The following INHA variants were observed in gnomAD, a reference collection of about 807,000 sequenced individuals.
INHA encodes inhibin subunit alpha.
In INHA, 8 loss-of-function variants were observed where a neutral mutation model predicts 21.3. The ratio of observed to expected loss-of-function variants is 0.38; its 90% CI spans 0.22 to 0.68. INHA has a LOEUF of 0.68. Among genes scored for constraint, INHA ranks in the 30% least tolerant of loss-of-function variants. INHA has a pLI of 0.53. For missense variants in INHA, 436 were observed against 465.8 expected (o/e 0.94, Z 0.59); for synonymous variants, 231 against 207.5 (o/e 1.11, Z -0.97).
At position 219,572,617 on chromosome 2, in the gene INHA, C is replaced by T; in HGVS notation, c.243C>T (p.Ser81=). 1 of 1,552,038 alleles carries T rather than the reference C, an allele frequency of 6.4e-7. No homozygotes were observed. The highest frequency in any genetic ancestry group is 8.7e-7 in the Non-Finnish European group (1 of 1,147,228). The change falls in exon 1 of 2, where the codon TCC becomes TCT. Residue 81 remains serine, a synonymous_variant. Coordinates refer to ENST00000243786, the MANE Select transcript of INHA (RefSeq NM_002191.4). ...AGCCCGAGGAAGAGGAGGATGTCTC[C>T]CAAGCCATCCTTTTCCCAGCCACAG... The part of the protein sequence containing the change: ...GSEPEEEEDV[S]QAILFPATDA...
In INHA at chr2:219,575,221, G is replaced by T; in HGVS notation, c.796G>T (p.Ala266Ser). Residue 266 changes from alanine (A) to serine (S), a missense_variant, in exon 2 of 2, where the codon GCA becomes TCA. Ala to Ser is a moderately conservative substitution (Grantham distance 99). Transcript: ENST00000243786. ...TGCCCATGCCAACTGCCACAGAGTAGCACTGAACATCTCCTTCCAGGAGCT... is the reference window on the plus strand; with the variant it reads ...TGCCCATGCCAACTGCCACAGAGTATCACTGAACATCTCCTTCCAGGAGCT... ...PAAHANCHRV[A>S]LNISFQELGW... 6.2e-7 allele frequency: 1 copy of T among 1,614,258 alleles called. No individual in the cohort carries two copies. The highest frequency in any genetic ancestry group is 8.5e-7 in the Non-Finnish European group (1 of 1,180,040).
intron 1 of INHA, among the ~76,000 whole-genome samples, chr2:219,573,844 CA>C (rs757654534): frequency 1.3e-5 from 2 of 151,868 alleles, no homozygotes; most frequent in Non-Finnish European, 2.9e-5. Context: ...ATGGTGGCAC[CA>C]GCTACTCGGG....
At position 219,572,332 on chromosome 2, in the gene INHA, C is replaced by T. The variant is rs760350970; in HGVS notation, c.-43C>T. ...TGGGCAGACCCTGGCAGAAGGGGCACGGGGCAGGGTGTGAGTTCCCCACTA... is the reference window on the plus strand; with the variant it reads ...TGGGCAGACCCTGGCAGAAGGGGCATGGGGCAGGGTGTGAGTTCCCCACTA... On this transcript the variant is annotated 5_prime_UTR_variant, in exon 1 of 2. The change creates a new upstream start codon in the 5' untranslated region. Transcript: ENST00000243786. 3.4e-5 allele frequency: 55 copies of T among 1,612,666 alleles called. No individual in the cohort carries two copies. The highest frequency in any genetic ancestry group is 4.1e-5 in the Non-Finnish European group (48 of 1,179,882).
rs1459904863 is a variant in INHA, at chr2:219,575,578, A to G, written c.*52A>G. 7.0e-6 allele frequency: 10 copies of G among 1,427,008 alleles called. No homozygotes were observed. Among genetic ancestry groups the G allele is most frequent in the African/African-American group, 4.2e-5 (3 of 71,310 alleles). The allele number at this position is 1,427,008 out of a possible 1,614,324, so 88.4% of individuals were successfully genotyped here. ...CATGGCTGGTGGCCACGCCCCCACC[A>G]TCATCAGCTGGGAGGAAAGGCAGAG... On this transcript the variant is annotated 3_prime_UTR_variant, in exon 2 of 2. Coordinates refer to ENST00000243786, the MANE Select transcript of INHA (RefSeq NM_002191.4).
chr2:219,574,228 G>T (rs140629845), intron 1 of INHA, among the ~76,000 whole-genome samples: 9 of 149,512 alleles, frequency 6.0e-5, no homozygotes, highest in Non-Finnish European at 1.3e-4. Flanking sequence ...GCAGTGAGCC[G>T]TGATCATGCC....
intron 1 of INHA, among the ~76,000 whole-genome samples, chr2:219,573,834 A>G (rs569401687): frequency 1.3e-5 from 2 of 152,114 alleles, no homozygotes; most frequent in African/African-American, 4.8e-5. Flanking sequence ...TTAGCCAGGC[A>G]TGGTGGCACC....
chr2:219,575,600 A>G lies in INHA; in HGVS notation c.*74A>G. ...ACCATCATCAGCTGGGAGGAAAGGCAGAGTTGGGAAATAGATGGCTCCCAC... is the reference window on the plus strand; with the variant it reads ...ACCATCATCAGCTGGGAGGAAAGGCGGAGTTGGGAAATAGATGGCTCCCAC... On this transcript the variant is annotated 3_prime_UTR_variant, in exon 2 of 2. Transcript: ENST00000243786. 1 of 1,268,124 alleles carries G rather than the reference A, an allele frequency of 7.9e-7. No individual in the cohort carries two copies. Among genetic ancestry groups the G allele is most frequent in the African/African-American group, 1.5e-5 (1 of 68,370 alleles). The allele number at this position is 1,268,124 out of a possible 1,614,324, so 78.6% of individuals were successfully genotyped here.
chr2:219,572,715 CG>C, intron 1 of INHA, 73 bp downstream of exon 1: 1 of 1,515,422 alleles, frequency 6.6e-7, no homozygotes, highest in Non-Finnish European at 9.0e-7. Flanking sequence ...GCAGGCCAGG[CG>C]GACCTGGGTT....
intron 1 of INHA, among the ~76,000 whole-genome samples, chr2:219,573,647 T>C (rs1015256374): frequency 2.0e-5 from 3 of 151,912 alleles, no homozygotes; most frequent in African/African-American, 7.3e-5. Context: ...TTAAAGAATT[T>C]ATCCTACAAT....
rs776306807 is a variant in INHA at position 219,572,458 on chromosome 2, T to C, written c.84T>C (p.Leu28=). 2 of 1,613,994 alleles carry C rather than the reference T, an allele frequency of 1.2e-6. No individual in the cohort carries two copies. The highest frequency in any genetic ancestry group is 1.7e-5 in the Admixed American group (1 of 60,024). ...AGGGGCTGGAGCTGGCCCGGGAACT[T>C]GTTCTGGCCAAGGTGAGGGCCCTGT... ...SCQGLELARE[L]VLAKVRALFL... The change falls in exon 1 of 2, where the codon CTT becomes CTC. Residue 28 remains leucine (L), a synonymous_variant. Transcript: ENST00000243786.
Position 219,575,275 on chromosome 2 carries a change from C to T in INHA, c.850C>T (p.Pro284Ser), listed in dbSNP as rs750783756. Residue 284 changes from proline to serine, a missense_variant, in exon 2 of 2, where the codon CCC becomes TCC. By Grantham distance (74) the Pro-to-Ser change is moderately conservative (BLOSUM62 -1). Coordinates refer to ENST00000243786, the MANE Select transcript of INHA (RefSeq NM_002191.4). ...LGWERWIVYP[P>S]SFIFHYCHGG... Reference sequence around the variant, plus strand: ...CTGGGAACGGTGGATCGTGTACCCTCCCAGTTTCATCTTCCACTACTGTCA... The same window carrying T: ...CTGGGAACGGTGGATCGTGTACCCTTCCAGTTTCATCTTCCACTACTGTCA... 1.9e-6 allele frequency: 3 copies of T among 1,614,206 alleles called. No individual in the cohort carries two copies. The highest frequency in any genetic ancestry group is 2.2e-5 in the East Asian group (1 of 44,874).
At position 219,574,852 on chromosome 2, in the gene INHA, G is replaced by A. The variant is rs775559422; in HGVS notation, c.427G>A (p.Ala143Thr). ...CACCGGGCTGGACAGGCAGGGCACA[G>A]CAGCCTCCAATAGCTCTGAGCCCCT... ...FHTGLDRQGT[A>T]ASNSSEPLLG... The change falls in exon 2 of 2, where the codon GCA becomes ACA. Residue 143 changes from alanine (A) to threonine (T), a missense_variant. Transcript: ENST00000243786. 2 of 1,614,016 alleles carry A rather than the reference G, an allele frequency of 1.2e-6. No individual in the cohort carries two copies. The highest frequency in any genetic ancestry group is 1.7e-6 in the Non-Finnish European group (2 of 1,179,956).
chr2:219,574,595 T>G, intron 1 of INHA, 99 bp from the exon 2 acceptor site: 1 of 996,212 alleles, frequency 1.0e-6, no homozygotes, highest in South Asian at 1.5e-5. Flanking sequence ...AGCCCATCAT[T>G]GGCTCATGAC....
rs147900292 is a variant in INHA at position 219,575,159 on chromosome 2, C to T, written c.734C>T (p.Ala245Val). The change falls in exon 2 of 2, where the codon GCT becomes GTT. Residue 245 changes from alanine to valine, a missense_variant. Coordinates refer to ENST00000243786, the MANE Select transcript of INHA (RefSeq NM_002191.4). ...ATGTCCTGGCCTTGGTCTCCCTCTG[C>T]TCTGCGCCTGCTGCAGAGGCCTCCG... ...PLMSWPWSPS[A>V]LRLLQRPPEE... 8.1e-5 allele frequency: 130 copies of T among 1,614,262 alleles called. No individual in the cohort carries two copies. In the African/African-American group the frequency reaches 1.6e-3, roughly 20 times the overall value.
rs187760125 is a variant in INHA, at chr2:219,573,851, T to C, written c.269-843T>C. ...AGCCAGGCATGGTGGCACCAGCTAC[T>C]CGGGAAGCTGAGGCAGGAGAATTGC... On this transcript the variant is annotated intron_variant, in intron 1 of 1. Transcript: ENST00000243786. Among the ~76,000 whole-genome samples, 195 of 151,768 alleles carry C rather than the reference T, an allele frequency of 1.3e-3. 1 individual carries two copies. Among genetic ancestry groups the C allele is most frequent in the African/African-American group, 4.2e-3 (175 of 41,312 alleles).
intron 1 of INHA, among the ~76,000 whole-genome samples, chr2:219,573,691 T>C (rs1697473168): frequency 6.6e-6 from 1 of 151,816 alleles, no homozygotes; most frequent in African/African-American, 2.4e-5. Context: ...AAGAGTAATA[T>C]AGGCCGGGCG....
At chr2:219,574,578 A>C in intron 1 of INHA, 116 bp from the exon 2 acceptor site, 1 of 817,502 alleles carries the variant, frequency 1.2e-6, no homozygotes, top group Non-Finnish European at 2.0e-6. Flanking sequence ...GGCGTGGAGC[A>C]GAGTGCAGCC....
Position 219,575,130 on chromosome 2 carries a change from C to T in INHA, c.705C>T (p.Pro235=), listed in dbSNP as rs1023513888. The T allele has an allele frequency of 1.9e-6, 3 of 1,614,102 alleles. No individual in the cohort carries two copies. The highest frequency in any genetic ancestry group is 1.7e-5 in the Admixed American group (1 of 60,016). Residue 235 remains proline (P), a synonymous_variant, in exon 2 of 2, where the codon CCC becomes CCT. Coordinates refer to ENST00000243786, the MANE Select transcript of INHA (RefSeq NM_002191.4). ...GGGAGAGAGCCCGACGCTCAACTCC[C>T]CTGATGTCCTGGCCTTGGTCTCCCT... The part of the protein sequence containing the change: ...SGGERARRST[P]LMSWPWSPSA...
rs748345996 is a variant in INHA at position 219,574,994 on chromosome 2, C to T, written c.569C>T (p.Thr190Ile). 16 of 1,613,416 alleles carry T rather than the reference C, an allele frequency of 9.9e-6. No individual in the cohort carries two copies. In the South Asian group the frequency reaches 1.8e-4, roughly 18 times the overall value. Residue 190 changes from threonine to isoleucine, a missense_variant, in exon 2 of 2, where the codon ACC becomes ATC. Thr to Ile is a moderately conservative substitution (Grantham distance 89). Coordinates refer to ENST00000243786, the MANE Select transcript of INHA (RefSeq NM_002191.4). ...HLATSALSLL[T>I]HPVLVLLLRC... ...GCCACCTCTGCTCTCTCTCTGCTGA[C>T]CCACCCCGTCCTGGTGCTGCTGCTG... is the stretch of plus-strand genomic sequence containing the variant.
Sources: gnomAD v4.1 joint callset for allele counts (sites outside exome capture counted in the v4.1 genomes callset) on GRCh38, gnomAD v4.1.1 for gene constraint, MANE v1.5 for transcripts, NCBI Gene and HGNC (gene_info 2026-07-23, HGNC 2026-07-21) for gene names.